Variants in VWA8 observed in about 807,000 individuals in gnomAD.
The protein encoded by VWA8 is von Willebrand factor A domain-containing protein 8.
In VWA8, 221 loss-of-function variants were observed where a neutral mutation model predicts 241.5. The observed-to-expected ratio is 0.91, with a 90% CI of 0.82 to 1.02. VWA8 has a LOEUF of 1.02. Among genes scored for constraint, VWA8 ranks in the 50% least tolerant of loss-of-function variants. The pLI is 0.00. For missense variants in VWA8, 2,322 were observed against 2,328.7 expected, an observed-to-expected ratio of 1.00 and a Z score of 0.06; for synonymous variants, 852 against 827.1, an observed-to-expected ratio of 1.03 and a Z score of -0.52.
chr13:41,606,256 C>T (rs2044553144), intron 39 of VWA8, among the ~76,000 whole-genome samples: 1 of 152,088 alleles, frequency 6.6e-6, no homozygotes, highest in Non-Finnish European at 1.5e-5. Flanking sequence ...TTTATCTTTA[C>T]AGTGCCTAGC....
intron 21 of VWA8, among the ~76,000 whole-genome samples, chr13:41,752,055 C>CA (rs1027522510): frequency 6.6e-6 from 1 of 152,128 alleles, no homozygotes; most frequent in African/African-American, 2.4e-5. Flanking sequence ...CTTTTCCCCC[C>CA]ACCCTCCACA....
Position 41,673,639 on chromosome 13 carries a change from AAAT to A in VWA8, c.4409+1573_4409+1575del, listed in dbSNP as rs1366798796. On this transcript the variant is annotated intron_variant, in intron 36 of 44. Coordinates refer to ENST00000379310, the MANE Select transcript of VWA8 (RefSeq NM_015058.2). ...AAAATTTCATATTGACTACATGTCA[AAAT>A]AATAATATTTTTGATACATTGGGTT... is the stretch of plus-strand genomic sequence containing the variant. Among the ~76,000 whole-genome samples, 17 of 152,386 alleles carry A rather than the reference AAAT, an allele frequency of 1.1e-4. No homozygotes were observed. The East Asian group carries it at 1.7e-3, about 16-fold the overall frequency.
rs143452573 is a variant in VWA8 at position 41,690,195 on chromosome 13, G to A, written c.3947C>T (p.Pro1316Leu). 2.4e-4 allele frequency: 393 copies of A among 1,612,580 alleles called. No homozygotes were observed. In the East Asian group the frequency reaches 3.0e-3, roughly 12 times the overall value. Residue 1316 changes from proline (P) to leucine (L), a missense_variant, in exon 33 of 45, where the codon CCG becomes CTG. Physicochemically the swap from Pro to Leu is moderately conservative, Grantham distance 98. Coordinates refer to ENST00000379310, the MANE Select transcript of VWA8 (RefSeq NM_015058.2). ...VCQLYVLKEE[P>L]PSTGFGVTQE... ...TGTAACTCCAAACCCTGTGCTGGGC[G>A]GCTCCTCTTTCAGCACATACAACTG...
chr13:41,650,294 T>C (rs9590623), intron 37 of VWA8, among the ~76,000 whole-genome samples: 5,020 of 152,234 alleles, frequency 0.033, 274 homozygotes, highest in African/African-American at 0.11. Context: ...ATTTTACAGA[T>C]GGGGAAATGG....
chr13:41,776,900 A>G (rs1182502219), intron 20 of VWA8, among the ~76,000 whole-genome samples: 1 of 152,206 alleles, frequency 6.6e-6, no homozygotes, highest in Non-Finnish European at 1.5e-5. Context: ...CTTCAAAATG[A>G]TAAGTTTGAG....
intron 17 of VWA8, among the ~76,000 whole-genome samples, chr13:41,803,091 A>T (rs1372979926): frequency 6.6e-6 from 1 of 152,270 alleles, no homozygotes; most frequent in Non-Finnish European, 1.5e-5. Flanking sequence ...TGCAAGAATC[A>T]CAGCATTACA....
At chr13:41,734,903 A>C (rs1256964635) in intron 21 of VWA8, among the ~76,000 whole-genome samples, 3 of 152,234 alleles carry the variant, frequency 2.0e-5, no homozygotes, top group African/African-American at 7.2e-5. Context: ...GGTGATTATA[A>C]ACTTTTAGTA....
intron 9 of VWA8, among the ~76,000 whole-genome samples, chr13:41,878,460 T>A (rs1298856327): frequency 6.6e-6 from 1 of 151,848 alleles, no homozygotes; most frequent in African/African-American, 2.4e-5. Flanking sequence ...TAAGAAAAGC[T>A]ATTTAAGATG....
intron 1 of VWA8, among the ~76,000 whole-genome samples, chr13:41,952,684 T>C (rs115448704): frequency 0.01 from 1,583 of 152,098 alleles, 31 homozygotes; most frequent in African/African-American, 0.037. Flanking sequence ...ATCCTTCTAA[T>C]AAATAATCTA....
intron 14 of VWA8, among the ~76,000 whole-genome samples, chr13:41,822,724 A>G (rs1871012899): frequency 1.3e-5 from 2 of 152,202 alleles, no homozygotes; most frequent in Non-Finnish European, 2.9e-5. Context: ...ACATACAATA[A>G]TAAATGATTA....
chr13:41,837,078 T>C (rs1328100308), intron 12 of VWA8, among the ~76,000 whole-genome samples: 3 of 144,832 alleles, frequency 2.1e-5, no homozygotes, highest in African/African-American at 2.6e-5. Context: ...GATAGATAGA[T>C]AGAGATTTTT....
chr13:41,954,325 G>A (rs1878267477), intron 1 of VWA8, among the ~76,000 whole-genome samples: 1 of 152,008 alleles, frequency 6.6e-6, no homozygotes, highest in South Asian at 2.1e-4. Context: ...ATATTCCAGA[G>A]ACAACTCAAC....
At chr13:41,856,179 T>C (rs897636359) in intron 12 of VWA8, among the ~76,000 whole-genome samples, 2 of 151,976 alleles carry the variant, frequency 1.3e-5, no homozygotes, top group South Asian at 4.2e-4. Context: ...CTACTAAAAA[T>C]ACAAAAATTG....
chr13:41,881,922 C>T (rs1464349301), intron 9 of VWA8, among the ~76,000 whole-genome samples: 2 of 150,326 alleles, frequency 1.3e-5, no homozygotes, highest in Admixed American at 6.6e-5. Context: ...CACCTCCCTC[C>T]CGGACGGGGT....
chr13:41,663,555 T>C (rs948375158), intron 37 of VWA8, among the ~76,000 whole-genome samples: 1 of 152,126 alleles, frequency 6.6e-6, no homozygotes, highest in African/African-American at 2.4e-5. Flanking sequence ...TTTACCTCCA[T>C]ATTTCTAAGT....
intron 1 of VWA8, among the ~76,000 whole-genome samples, chr13:41,952,306 A>G (rs551518790): frequency 1.3e-5 from 2 of 152,318 alleles, no homozygotes; most frequent in South Asian, 4.1e-4. Flanking sequence ...GCAGTGCCTC[A>G]TATAGTACAA....
At chr13:41,693,682 T>A (rs1450286186) in intron 29 of VWA8, among the ~76,000 whole-genome samples, 2 of 151,984 alleles carry the variant, frequency 1.3e-5, no homozygotes, top group African/African-American at 2.4e-5. Context: ...TACGTTTTTT[T>A]AAGAAAATAA....
intron 4 of VWA8, among the ~76,000 whole-genome samples, chr13:41,895,213 A>G (rs1323564041): frequency 6.6e-6 from 1 of 152,146 alleles, no homozygotes; most frequent in Non-Finnish European, 1.5e-5. Flanking sequence ...ATACTATTTA[A>G]TTTAACCCTA....
At chr13:41,886,460 C>A (rs1301433571) in intron 7 of VWA8, among the ~76,000 whole-genome samples, 2 of 152,132 alleles carry the variant, frequency 1.3e-5, no homozygotes, top group African/African-American at 4.8e-5. Context: ...CAAAAACTTG[C>A]TCATTATTTA....
Sources: gnomAD v4.1 joint callset for allele counts (sites outside exome capture counted in the v4.1 genomes callset) on GRCh38, gnomAD v4.1.1 for gene constraint, MANE v1.5 for transcripts, NCBI Gene and HGNC (gene_info 2026-07-23, HGNC 2026-07-21) for gene names.